Variants in NAV3 observed in about 807,000 individuals in gnomAD.
NAV3 encodes the protein neuron navigator 3.
Under a neutral mutation model 244.7 loss-of-function variants are expected in NAV3, and 87 were observed. That is an observed-to-expected ratio of 0.36 (90% CI 0.30 to 0.42). The LOEUF (loss-of-function observed/expected upper bound fraction) is 0.42, where lower values mean the gene tolerates loss of function less well. Ranked by LOEUF, NAV3 falls within the 20% of genes least tolerant of loss-of-function variation. The pLI, the probability that NAV3 is intolerant of heterozygous loss-of-function variation, is 1.00. For synonymous variants in NAV3, 1,126 were observed against 1,042.2 expected (o/e 1.08, Z -1.55); for missense variants, 2,663 against 2,893.3 (o/e 0.92, Z 1.83).
intron 1 of NAV3, among the ~76,000 whole-genome samples, chr12:77,880,165 A>G (rs1357888386): frequency 2.0e-5 from 3 of 152,174 alleles, no homozygotes; most frequent in Non-Finnish European, 4.4e-5. Flanking sequence ...TGTGATAAAA[A>G]TATATCTGAA....
At chr12:77,608,589 A>C (rs1457685930) in intron 2 of NAV3, among the ~76,000 whole-genome samples, 2 of 152,108 alleles carry the variant, frequency 1.3e-5, no homozygotes, top group Non-Finnish European at 2.9e-5. Context: ...AGCTGAGGTC[A>C]CACCTTCTTA....
intron 1 of NAV3, among the ~76,000 whole-genome samples, chr12:77,940,013 G>T (rs1409870538): frequency 6.6e-6 from 1 of 152,120 alleles, no homozygotes; most frequent in African/African-American, 2.4e-5. Flanking sequence ...ACAATAAAGA[G>T]AGAGAAAACC....
chr12:78,191,059 T>C (rs757923751), intron 34 of NAV3, among the ~76,000 whole-genome samples: 1 of 152,142 alleles, frequency 6.6e-6, no homozygotes, highest in Admixed American at 6.6e-5. Context: ...TATTACTCTT[T>C]CAAGGATAAC....
chr12:78,207,394 G>A (rs1960441500), intron 39 of NAV3, among the ~76,000 whole-genome samples: 1 of 152,110 alleles, frequency 6.6e-6, no homozygotes, highest in African/African-American at 2.4e-5. Flanking sequence ...GCTAAGACCT[G>A]GTGATCAGGA....
intron 2 of NAV3, among the ~76,000 whole-genome samples, chr12:77,709,885 C>A (rs1876022605): frequency 6.6e-6 from 1 of 152,150 alleles, no homozygotes; most frequent in Admixed American, 6.5e-5. Flanking sequence ...TTTAAGCTAT[C>A]TCTGTGCAGT....
At chr12:77,799,692 T>G (rs1290130589) in intron 2 of NAV3, among the ~76,000 whole-genome samples, 1 of 152,078 alleles carries the variant, frequency 6.6e-6, no homozygotes, top group Non-Finnish European at 1.5e-5. Context: ...AAGAGGCAAA[T>G]GAACTTCCCT....
intron 1 of NAV3, among the ~76,000 whole-genome samples, chr12:77,894,456 T>G (rs1453444278): frequency 6.6e-6 from 1 of 152,178 alleles, no homozygotes; most frequent in Admixed American, 6.5e-5. Flanking sequence ...TGGAATTTTA[T>G]GTAAAAGTTT....
intron 3 of NAV3, among the ~76,000 whole-genome samples, chr12:77,951,961 T>G (rs1394257719): frequency 1.3e-5 from 2 of 151,638 alleles, no homozygotes; most frequent in African/African-American, 4.9e-5. Flanking sequence ...GAGATACACC[T>G]CATGTAAATG....
At chr12:78,092,050 CG>C (rs1192682055) in intron 12 of NAV3, among the ~76,000 whole-genome samples, 2 of 152,158 alleles carry the variant, frequency 1.3e-5, no homozygotes, top group Non-Finnish European at 2.9e-5. Context: ...TCCACACCTA[CG>C]GTATTAGCAC....
intron 28 of NAV3, 68 bp from the exon 29 acceptor site, chr12:78,179,461 A>C: frequency 6.3e-7 from 1 of 1,584,636 alleles, no homozygotes; most frequent in South Asian, 1.1e-5. Context: ...CAGCCTTTAA[A>C]AGAGGCAGTG....
chr12:78,055,893 A>T (rs1593413789), intron 11 of NAV3, among the ~76,000 whole-genome samples: 1 of 152,234 alleles, frequency 6.6e-6, no homozygotes, highest in African/African-American at 2.4e-5. Flanking sequence ...CTAATTTTTT[A>T]AAAAATGCTG....
chr12:77,679,903 T>C (rs1017569971), intron 2 of NAV3, among the ~76,000 whole-genome samples: 10 of 151,864 alleles, frequency 6.6e-5, no homozygotes, highest in Non-Finnish European at 1.5e-4. Context: ...AGTGGATCAG[T>C]GGGTAGGAAG....
intron 2 of NAV3, among the ~76,000 whole-genome samples, chr12:77,759,776 A>G (rs981665810): frequency 6.6e-6 from 1 of 151,928 alleles, no homozygotes; most frequent in Non-Finnish European, 1.5e-5. Context: ...TTTTTTTAAC[A>G]TTTCTGGATC....
intron 2 of NAV3, among the ~76,000 whole-genome samples, chr12:77,764,369 GT>G (rs1374701377): frequency 3.3e-5 from 5 of 152,170 alleles, no homozygotes; most frequent in Admixed American, 6.6e-5. Context: ...TTTGTTGCAT[GT>G]TTTAAGGGTC....
chr12:77,739,501 G>A (rs1316244420), intron 2 of NAV3, among the ~76,000 whole-genome samples: 16 of 151,986 alleles, frequency 1.1e-4, no homozygotes, highest in Non-Finnish European at 2.9e-5. Context: ...CATTTAATAA[G>A]AGCAAAATTA....
intron 2 of NAV3, among the ~76,000 whole-genome samples, chr12:77,589,371 C>CT (rs11398574): frequency 0.75 from 114,156 of 151,864 alleles, 43,107 homozygotes; most frequent in African/African-American, 0.81. Context: ...TAGCAGCCCC[C>CT]CTCTGTGGTA....
At chr12:77,912,896 G>T in intron 1 of NAV3, among the ~76,000 whole-genome samples, 1 of 152,140 alleles carries the variant, frequency 6.6e-6, no homozygotes, top group East Asian at 1.9e-4. Flanking sequence ...ACAGATGTGA[G>T]CCATGCCGTT....
chr12:77,743,029 G>A (rs1433870208), intron 2 of NAV3, among the ~76,000 whole-genome samples: 1 of 151,932 alleles, frequency 6.6e-6, no homozygotes, highest in Non-Finnish European at 1.5e-5. Context: ...AGAAAAAGTT[G>A]AATTGCTTGA....
At chr12:77,838,879 T>A (rs79501465) in intron 1 of NAV3, among the ~76,000 whole-genome samples, 7,837 of 152,250 alleles carry the variant, frequency 0.051, 366 homozygotes, top group African/African-American at 0.13. Flanking sequence ...AAAAATGAAA[T>A]GAAATGAGGA....
Sources: allele counts gnomAD v4.1 joint callset (sites outside exome capture counted in the v4.1 genomes callset), GRCh38; gene constraint gnomAD v4.1.1; transcripts MANE v1.5; gene names NCBI Gene and HGNC (gene_info 2026-07-23, HGNC 2026-07-21).